Variants in LMBR1L observed in about 807,000 individuals in gnomAD.
LMBR1L encodes the protein protein LMBR1L.
In LMBR1L, 47 loss-of-function variants were observed where a neutral mutation model predicts 67.3. The ratio of observed to expected loss-of-function variants is 0.70; its 90% CI spans 0.55 to 0.89. LMBR1L has a LOEUF of 0.89. LMBR1L is among the 40% of genes least tolerant of loss of function. The probability of loss-of-function intolerance (pLI) is 0.00; values close to 1 mark genes in which losing one functional copy is unlikely to be tolerated. For synonymous variants in LMBR1L, 247 were observed against 250.3 expected, an observed-to-expected ratio of 0.99 and a Z score of 0.13; for missense variants, 533 against 599.2, an observed-to-expected ratio of 0.89 and a Z score of 1.15.
intron 1 of LMBR1L, 62 bp from the exon 2 acceptor site, chr12:49,107,107 G>A (rs1490909022): frequency 1.3e-5 from 14 of 1,097,460 alleles, no homozygotes; most frequent in Admixed American, 7.2e-5. Context: ...ACAGCCCCAA[G>A]GGCCTCTCTG....
rs1940274998 is a variant in LMBR1L, at chr12:49,102,153, G to C, written c.897C>G (p.Tyr299Ter). 1 of 1,614,058 alleles carries C rather than the reference G, an allele frequency of 6.2e-7. No homozygotes were observed. Among genetic ancestry groups the C allele is most frequent in the African/African-American group, 1.3e-5 (1 of 74,914 alleles). The change falls in exon 11 of 17, where the codon TAC (tyrosine) becomes TAG (stop). Residue 299 changes from tyrosine (Y) to a stop codon, truncating the protein, a stop_gained. Transcript: ENST00000267102. LOFTEE classifies it high-confidence loss of function. ...KASAWQRNLGYPLAMLCLLVL... is the reference protein window; with the variant it reads ...KASAWQRNLG ...CCAGCAAGCACAGCATAGCCAGGGG[G>C]TAGCCCAGGTTCCGTTGCCAGGCTG...
chr12:49,106,045 C>T, intron 2 of LMBR1L, 88 bp from the exon 3 acceptor site: 1 of 1,097,756 alleles, frequency 9.1e-7, no homozygotes, highest in African/African-American at 1.6e-5. Flanking sequence ...CTCCCTGCCC[C>T]ATCCCTGCCC....
Position 49,110,803 on chromosome 12 carries a change from T to C in LMBR1L, c.-248A>G. 1 of 518,944 alleles carries C rather than the reference T, an allele frequency of 1.9e-6. No homozygotes were observed. The highest frequency in any genetic ancestry group is 3.5e-6 in the Non-Finnish European group (1 of 288,062). The allele number at this position is 518,944 out of a possible 1,614,324, so 32.1% of individuals were successfully genotyped here. On this transcript the variant is annotated 5_prime_UTR_variant, in exon 1 of 17. Coordinates refer to ENST00000267102, the MANE Select transcript of LMBR1L (RefSeq NM_018113.4). ...TTGCTCCCCACTCTTTAAGGTCGGGTCGCGCTCACGTTTCAATGCAAACAC... is the reference window on the plus strand; with the variant it reads ...TTGCTCCCCACTCTTTAAGGTCGGGCCGCGCTCACGTTTCAATGCAAACAC...
intron 1 of LMBR1L, among the ~76,000 whole-genome samples, chr12:49,109,217 T>C (rs1467849011): frequency 6.6e-6 from 1 of 152,114 alleles, no homozygotes; most frequent in Non-Finnish European, 1.5e-5. Flanking sequence ...TAGGGAGACA[T>C]CCAGGAGGCT....
chr12:49,100,800 T>A, intron 13 of LMBR1L, 154 bp from the exon 14 acceptor site: 1 of 643,338 alleles, frequency 1.6e-6, no homozygotes, highest in East Asian at 2.8e-5. Context: ...CGATTTCAGC[T>A]CACTGCAACC....
At chr12:49,098,186 T>C (rs1036997158) in intron 15 of LMBR1L, 81 bp from the exon 16 acceptor site, 1 of 1,460,126 alleles carries the variant, frequency 6.8e-7, no homozygotes, top group Admixed American at 1.9e-5. Context: ...TGCCTCCTGG[T>C]GGCCACATTT....
intron 1 of LMBR1L, among the ~76,000 whole-genome samples, chr12:49,108,627 G>A (rs1489323539): frequency 4.6e-5 from 7 of 150,790 alleles, no homozygotes; most frequent in Non-Finnish European, 7.4e-5. Flanking sequence ...CCAGCTACTC[G>A]GGAGGCTGAG....
At chr12:49,103,195 C>G (rs750409529) in intron 6 of LMBR1L, 36 bp from the exon 7 acceptor site, 2 of 1,572,344 alleles carry the variant, frequency 1.3e-6, no homozygotes, top group South Asian at 1.1e-5. Context: ...CAGCTCATCT[C>G]TCCTTACTTA....
intron 1 of LMBR1L, chr12:49,110,229 T>TGGGGGGGGGG: frequency 1.3e-5 from 3 of 236,232 alleles, no homozygotes; most frequent in Non-Finnish European, 2.0e-5. Context: ...GGGTGAGGGG[T>TGGGGGGGGGG]GGGAGGGAGG....
In LMBR1L at chr12:49,110,647, C is replaced by T; in HGVS notation, c.-92G>A. The stretch of plus-strand genomic sequence containing the variant: ...GCCGCCGCCAAGCACCCAGACCCAG[C>T]CTAGGGGCCTTTCCTCGCAGCCTGC... On this transcript the variant is annotated 5_prime_UTR_variant, in exon 1 of 17. Coordinates refer to ENST00000267102, the MANE Select transcript of LMBR1L (RefSeq NM_018113.4). 9.2e-7 allele frequency: 1 copy of T among 1,092,636 alleles called. No homozygotes were observed. Among genetic ancestry groups the T allele is most frequent in the Non-Finnish European group, 1.4e-6 (1 of 713,430 alleles). 67.7% of individuals were successfully genotyped at this position (1,092,636 alleles called of 1,614,324 possible). A position where few individuals can be genotyped will look rare whatever the true frequency, so the allele number is the denominator to read the frequency against.
At chr12:49,101,992 A>G (rs1188402158) in intron 11 of LMBR1L, 128 bp downstream of exon 11, 2 of 752,852 alleles carry the variant, frequency 2.7e-6, no homozygotes, top group East Asian at 2.6e-5. Flanking sequence ...AGGACATAAA[A>G]GTAGGCACTC....
In LMBR1L at chr12:49,107,150, G is replaced by T; in HGVS notation, c.73-105C>A. 6.7e-6 allele frequency: 5 copies of T among 743,452 alleles called. 1 individual carries two copies. Among genetic ancestry groups the T allele is most frequent in the South Asian group, 4.8e-5 (3 of 62,974 alleles). The allele number at this position is 743,452 out of a possible 1,614,324, so 46.1% of individuals were successfully genotyped here. A position where few individuals can be genotyped will look rare whatever the true frequency, so the allele number is the denominator to read the frequency against. On this transcript the variant is annotated intron_variant, in intron 1 of 16. Coordinates refer to ENST00000267102, the MANE Select transcript of LMBR1L (RefSeq NM_018113.4). The stretch of plus-strand genomic sequence containing the variant: ...CAGGCCATCACTTCCTCAAGATAAG[G>T]CTCCATACTTCCAAGGGTTCCATCT...
chr12:49,103,544 G>T, intron 6 of LMBR1L, 143 bp downstream of exon 6: 1 of 958,584 alleles, frequency 1.0e-6, no homozygotes, highest in Non-Finnish European at 1.5e-6. Flanking sequence ...GATTGCATTT[G>T]GCCAGATGTC....
Position 49,104,825 on chromosome 12 carries a change from G to T in LMBR1L, c.252C>A (p.Phe84Leu). 6.2e-7 allele frequency: 1 copy of T among 1,613,892 alleles called. No individual in the cohort carries two copies. The highest frequency in any genetic ancestry group is 1.1e-5 in the South Asian group (1 of 91,018). The change falls in exon 4 of 17, where the codon TTC becomes TTA. Residue 84 changes from phenylalanine (F) to leucine (L), a missense_variant. By Grantham distance (22) the Phe-to-Leu change is conservative (BLOSUM62 0). Around this residue, in one of 3 missense-constraint regions of LMBR1L, gnomAD observed 246 missense variants for 249.0 expected, o/e 0.99. Coordinates refer to ENST00000267102, the MANE Select transcript of LMBR1L (RefSeq NM_018113.4). ...GCAGCACCTCATTGCTGATGATGGA[G>T]AAGGGCAGGAGCAGGACAGCACCCA... ...IALGAVLLLPFSIISNEVLLS... is the reference protein window; with the variant it reads ...IALGAVLLLPLSIISNEVLLS...
At position 49,102,117 on chromosome 12, in the gene LMBR1L, T is replaced by C; in HGVS notation, c.930+3A>G. On this transcript the variant is annotated splice_donor_region_variant and intron_variant, in intron 11 of 16. Transcript: ENST00000267102. ...TCCTCACCTCTAGGGCTGGTATACC[T>C]ACCGTCAGCACCAGCAAGCACAGCA... The C allele has an allele frequency of 6.2e-7, 1 of 1,613,584 alleles. No homozygotes were observed. The highest frequency in any genetic ancestry group is 1.1e-5 in the South Asian group (1 of 91,068).
At chr12:49,097,892 T>A in intron 16 of LMBR1L, 52 bp downstream of exon 16, 1 of 1,589,052 alleles carries the variant, frequency 6.3e-7, no homozygotes, top group Non-Finnish European at 8.6e-7. Context: ...TGTTCCAGAG[T>A]GTCCTAGATG....
intron 1 of LMBR1L, 53 bp from the exon 2 acceptor site, chr12:49,107,098 C>T: frequency 1.6e-6 from 2 of 1,218,824 alleles, no homozygotes; most frequent in Non-Finnish European, 2.4e-6. Context: ...GCACACTCCA[C>T]AGCCCCAAGG....
At chr12:49,101,716 T>C in intron 11 of LMBR1L, 167 bp from the exon 12 acceptor site, 1 of 605,308 alleles carries the variant, frequency 1.7e-6, no homozygotes, top group Non-Finnish European at 3.0e-6. Flanking sequence ...CAGAGTGCCT[T>C]TGAGGATATT....
intron 2 of LMBR1L, chr12:49,106,546 A>G: frequency 1.5e-6 from 2 of 1,308,082 alleles, no homozygotes; most frequent in Non-Finnish European, 2.0e-6. Flanking sequence ...CACCATCACC[A>G]GGTTCCCCAG....
Sources: gnomAD v4.1 joint callset for allele counts (sites outside exome capture counted in the v4.1 genomes callset) on GRCh38, gnomAD v4.1.1 for gene constraint, gnomAD v4.1.1 regional missense constraint, MANE v1.5 for transcripts, NCBI Gene and HGNC (gene_info 2026-07-23, HGNC 2026-07-21) for gene names.